Variants in GABRG3 observed in about 807,000 individuals in gnomAD.
GABRG3 encodes gamma-aminobutyric acid receptor subunit gamma-3.
Under a neutral mutation model 48.8 loss-of-function variants are expected in GABRG3, and 25 were observed. The observed-to-expected ratio is 0.51, with a 90% confidence interval of 0.37 to 0.72. The LOEUF (loss-of-function observed/expected upper bound fraction) is 0.72, where lower values mean the gene tolerates loss of function less well. GABRG3 is among the 30% of genes least tolerant of loss of function. The probability of loss-of-function intolerance (pLI) is 0.00; values close to 1 mark genes in which losing one functional copy is unlikely to be tolerated. For synonymous variants in GABRG3, 227 were observed against 217.6 expected (o/e 1.04, Z -0.38); for missense variants, 394 against 577.9 (o/e 0.68, Z 3.26).
intron 3 of GABRG3, among the ~76,000 whole-genome samples, chr15:27,059,713 G>A (rs1401991510): frequency 1.3e-5 from 2 of 152,224 alleles, no homozygotes. Context: ...CAGAGTGAAA[G>A]GGTTTCCTGC....
intron 6 of GABRG3, among the ~76,000 whole-genome samples, chr15:27,516,240 C>T (rs968774409): frequency 1.3e-5 from 2 of 151,914 alleles, no homozygotes; most frequent in Non-Finnish European, 2.9e-5. Flanking sequence ...TTTAAATGTA[C>T]CATGTCCTTG....
At position 26,977,012 on chromosome 15, in the gene GABRG3, G is replaced by A. The variant is rs1894962528; in HGVS notation, c.64G>A (p.Val22Met). The change falls in exon 2 of 10, where the codon GTG (valine) becomes ATG (methionine). Residue 22 changes from valine (V) to methionine (M), a missense_variant. This residue lies in a region of GABRG3 where 218 missense variants were observed against 309.9 expected (regional missense o/e 0.70). Transcript: ENST00000615808. ...FSGLHARSRK[V>M]EEDEYEDSSS... ...GTGCTGTAACTCCAGGTCCAGAAAGGTGGAAGAGGATGAATATGAAGATTC... is the reference window on the plus strand; with the variant it reads ...GTGCTGTAACTCCAGGTCCAGAAAGATGGAAGAGGATGAATATGAAGATTC... 1.4e-5 allele frequency: 23 copies of A among 1,613,760 alleles called. No homozygotes were observed. The highest frequency in any genetic ancestry group is 2.7e-5 in the African/African-American group (2 of 74,896).
At chr15:27,406,803 T>G (rs1887649085) in intron 5 of GABRG3, among the ~76,000 whole-genome samples, 1 of 152,170 alleles carries the variant, frequency 6.6e-6, no homozygotes. Context: ...TTTGTCAATG[T>G]ACCAGGGTAA....
At position 27,532,612 on chromosome 15, in the gene GABRG3, C is replaced by G; in HGVS notation, c.1135C>G (p.Leu379Val). 6.2e-7 allele frequency: 1 copy of G among 1,613,768 alleles called. No individual in the cohort carries two copies. The highest frequency in any genetic ancestry group is 1.7e-4 in the Middle Eastern group (1 of 6,060). ...SLQAPSNYSL[L>V]DMRPPPTAMI... is the part of the protein sequence containing the mutation. ...TTGTTGCTTGCAGAACTATTCCCTC[C>G]TGGACATGAGGCCACCACCAACTGC... The change falls in exon 10 of 10, where the codon CTG (leucine) becomes GTG (valine). Residue 379 changes from leucine (L) to valine (V), a missense_variant. Coordinates refer to ENST00000615808, the MANE Select transcript of GABRG3 (RefSeq NM_033223.5).
chr15:27,179,952 C>T lies in GABRG3; in HGVS notation c.271-146857C>T, dbSNP rs904696061. On this transcript the variant is annotated intron_variant, in intron 3 of 9. Coordinates refer to ENST00000615808, the MANE Select transcript of GABRG3 (RefSeq NM_033223.5). The surrounding 1 kb of genome is among the most constrained non-coding windows in gnomAD (Gnocchi z 4.0). ...TCATCGCCTCCTAGATGAGGCTGGG[C>T]GTGGCTCTGAAGAGCTGCAGCACTT... 6.6e-5 allele frequency among the ~76,000 whole-genome samples: 10 copies of T among 152,180 alleles called. No homozygotes were observed. Among genetic ancestry groups the T allele is most frequent in the African/African-American group, 1.7e-4 (7 of 41,436 alleles).
At chr15:27,264,183 G>C (rs993578303) in intron 3 of GABRG3, among the ~76,000 whole-genome samples, 4 of 152,122 alleles carry the variant, frequency 2.6e-5, no homozygotes, top group African/African-American at 7.2e-5. Context: ...GAAATGGTTA[G>C]AGAGTGTGAG....
chr15:27,311,707 G>T (rs1217224182), intron 3 of GABRG3, among the ~76,000 whole-genome samples: 1 of 152,002 alleles, frequency 6.6e-6, no homozygotes, highest in African/African-American at 2.4e-5. Flanking sequence ...TGAGGAACTG[G>T]CTTATGTCTT....
chr15:27,313,493 C>G (rs981097202), intron 3 of GABRG3, among the ~76,000 whole-genome samples: 6 of 150,912 alleles, frequency 4.0e-5, no homozygotes. Flanking sequence ...GGACCTAACA[C>G]AAACGTACAG....
intron 3 of GABRG3, among the ~76,000 whole-genome samples, chr15:27,154,148 C>T (rs1404072631): frequency 6.6e-6 from 1 of 152,070 alleles, no homozygotes; most frequent in African/African-American, 2.4e-5. Flanking sequence ...GAATCTGCAC[C>T]TTGAGGTCTT....
chr15:27,234,021 G>A (rs1372332638), intron 3 of GABRG3, among the ~76,000 whole-genome samples: 1 of 152,138 alleles, frequency 6.6e-6, no homozygotes. Context: ...ATGGGAGAGG[G>A]AGCTTTAGAG....
At chr15:27,325,046 A>G (rs1207150327) in intron 3 of GABRG3, among the ~76,000 whole-genome samples, 1 of 152,222 alleles carries the variant, frequency 6.6e-6, no homozygotes, top group African/African-American at 2.4e-5. Flanking sequence ...CCCATGCATG[A>G]CACCAGGCGT....
chr15:27,063,088 G>A (rs1427313487), intron 3 of GABRG3, among the ~76,000 whole-genome samples: 1 of 152,192 alleles, frequency 6.6e-6, no homozygotes, highest in East Asian at 1.9e-4. Context: ...GAGCTCAAAG[G>A]ATGAAATGTG....
intron 5 of GABRG3, chr15:27,340,950 A>G (rs573524653): frequency 6.0e-6 from 3 of 500,806 alleles, no homozygotes; most frequent in East Asian, 5.5e-5. Context: ...CAGAGATTCA[A>G]TGATGCATGC....
chr15:27,188,447 TGG>T (rs1353790971), intron 3 of GABRG3, among the ~76,000 whole-genome samples: 1 of 152,188 alleles, frequency 6.6e-6, no homozygotes, highest in Admixed American at 6.5e-5. Context: ...TATCTCATTG[TGG>T]TTTTGATTTG....
At chr15:27,399,341 T>A (rs1887412443) in intron 5 of GABRG3, among the ~76,000 whole-genome samples, 3 of 152,124 alleles carry the variant, frequency 2.0e-5, no homozygotes, top group Non-Finnish European at 4.4e-5. Flanking sequence ...GGCCCTGTGG[T>A]TGCTGCAGAA....
rs549822002 is a variant in GABRG3 at position 27,423,205 on chromosome 15, GT to G, written c.575-57444del. Among the ~76,000 whole-genome samples the G allele has an allele frequency of 1.3e-4, 16 of 123,096 alleles. No individual in the cohort carries two copies. In the East Asian group the frequency reaches 4.1e-3, roughly 32 times the overall value. The allele number at this position is 123,096 out of a possible 152,430, so 80.8% of individuals were successfully genotyped here. On this transcript the variant is annotated intron_variant, in intron 5 of 9. Transcript: ENST00000615808. The stretch of plus-strand genomic sequence containing the variant: ...ACAAGCTGGAATGGCATGGTTCATT[GT>G]CCCAGGTATACAAAAAAAAAAAAAA...
chr15:27,449,455 C>A (rs1889044546), intron 5 of GABRG3, among the ~76,000 whole-genome samples: 1 of 152,144 alleles, frequency 6.6e-6, no homozygotes, highest in Admixed American at 6.5e-5. Flanking sequence ...TTATAAAAAT[C>A]TCCATTTTGA....
intron 5 of GABRG3, among the ~76,000 whole-genome samples, chr15:27,416,468 C>T (rs925809272): frequency 6.6e-6 from 1 of 152,164 alleles, no homozygotes. Context: ...CTAAGAAGAA[C>T]CGATGCTGTG....
chr15:27,311,636 A>T (rs1892996155), intron 3 of GABRG3, among the ~76,000 whole-genome samples: 1 of 151,840 alleles, frequency 6.6e-6, no homozygotes, highest in Admixed American at 6.6e-5. Flanking sequence ...CTCCCTGGGG[A>T]TAGGGAAAAA....
Sources: allele counts gnomAD v4.1 joint callset (sites outside exome capture counted in the v4.1 genomes callset), GRCh38; gene constraint gnomAD v4.1.1; regional missense constraint gnomAD v4.1.1; non-coding constraint Gnocchi (gnomAD v3.1); transcripts MANE v1.5; gene names NCBI Gene and HGNC (gene_info 2026-07-23, HGNC 2026-07-21).